Variants in RBFOX2 observed in about 807,000 individuals in gnomAD.
RBFOX2 encodes RNA binding fox-1 homolog 2.
In RBFOX2, 10 loss-of-function variants were observed where a neutral mutation model predicts 49.1. The ratio of observed to expected loss-of-function variants is 0.20; its 90% confidence interval spans 0.13 to 0.35. The LOEUF (loss-of-function observed/expected upper bound fraction) is 0.35, where lower values mean the gene tolerates loss of function less well. Among genes scored for constraint, RBFOX2 ranks in the 10% least tolerant of loss-of-function variants. RBFOX2 has a pLI of 1.00. For missense variants in RBFOX2, 323 were observed against 486.9 expected, an observed-to-expected ratio of 0.66 and a Z score of 3.17; for synonymous variants, 183 against 187.4, an observed-to-expected ratio of 0.98 and a Z score of 0.19.
intron 2 of RBFOX2, among the ~76,000 whole-genome samples, chr22:35,782,951 A>AT (rs1945518290): frequency 6.6e-6 from 1 of 152,170 alleles, no homozygotes; most frequent in Non-Finnish European, 1.5e-5. Context: ...CAAGAATCAC[A>AT]TGCAGAAATC....
At chr22:36,025,693 C>A (rs961981781) in intron 1 of RBFOX2, among the ~76,000 whole-genome samples, 2 of 152,318 alleles carry the variant, frequency 1.3e-5, no homozygotes, top group East Asian at 1.9e-4. Flanking sequence ...AGATTGCATG[C>A]ACCTTAAGGA....
rs571388520 is a variant in RBFOX2, at chr22:35,916,776, C to G, written c.-34+22071G>C. ...GGGAATGGTGGCTCATGCCTGTAAT[C>G]CCAGCTACTGGGGAAGCTGAGGCAG... On this transcript the variant is annotated intron_variant, in intron 1 of 13. Coordinates refer to the RBFOX2 transcript ENST00000359369. Among the ~76,000 whole-genome samples the G allele has an allele frequency of 1.4e-3, 220 of 151,972 alleles. 2 individuals are homozygous for G. The highest frequency in any genetic ancestry group is 4.9e-3 in the African/African-American group (202 of 41,432).
chr22:35,923,945 C>CAA (rs11295577), intron 1 of RBFOX2, among the ~76,000 whole-genome samples: 2 of 134,096 alleles, frequency 1.5e-5, no homozygotes, highest in Non-Finnish European at 3.3e-5. Flanking sequence ...AAGTAAAATG[C>CAA]AAAAAAAAAA....
At chr22:35,916,722 C>T (rs187903736) in intron 1 of RBFOX2, among the ~76,000 whole-genome samples, 60 of 151,920 alleles carry the variant, frequency 3.9e-4, no homozygotes, top group African/African-American at 1.4e-3. Context: ...ATGATGAAAC[C>T]GTCTCTACTA....
chr22:35,822,743 C>G, intron 1 of RBFOX2: 1 of 403,976 alleles, frequency 2.5e-6, no homozygotes, highest in African/African-American at 2.1e-5. Context: ...CTAACACACA[C>G]ACAAAATTAA....
chr22:35,978,147 AG>A (rs2150047760), intron 1 of RBFOX2, among the ~76,000 whole-genome samples: 1 of 152,274 alleles, frequency 6.6e-6, no homozygotes, highest in African/African-American at 2.4e-5. Flanking sequence ...ATTGGGGATA[AG>A]GGGAGCCAAG....
At chr22:35,779,223 A>G (rs1319926702) in intron 3 of RBFOX2, among the ~76,000 whole-genome samples, 1 of 152,232 alleles carries the variant, frequency 6.6e-6, no homozygotes, top group Non-Finnish European at 1.5e-5. Context: ...GTTTTAATCA[A>G]TGCTTGGATG....
intron 1 of RBFOX2, among the ~76,000 whole-genome samples, chr22:35,831,209 C>T (rs763609868): frequency 2.6e-5 from 4 of 152,038 alleles, no homozygotes; most frequent in Non-Finnish European, 4.4e-5. Context: ...TTTGGGAGGC[C>T]GAGGTGGGCA....
intron 1 of RBFOX2, among the ~76,000 whole-genome samples, chr22:35,862,568 G>C (rs1199852850): frequency 6.6e-6 from 1 of 152,072 alleles, no homozygotes; most frequent in Non-Finnish European, 1.5e-5. Flanking sequence ...CATCGTTTCT[G>C]TCTCTCCCAC....
chr22:35,838,516 T>C (rs972003482), intron 1 of RBFOX2, among the ~76,000 whole-genome samples: 6 of 152,150 alleles, frequency 3.9e-5, no homozygotes, highest in Admixed American at 3.9e-4. Context: ...TGTACCAGCA[T>C]CCCCAGCGTC....
At chr22:35,945,286 G>C (rs972281197) in intron 1 of RBFOX2, among the ~76,000 whole-genome samples, 2 of 152,172 alleles carry the variant, frequency 1.3e-5, no homozygotes, top group Non-Finnish European at 2.9e-5. Context: ...GTTTCACTAT[G>C]TTATTCGCAG....
intron 9 of RBFOX2, among the ~76,000 whole-genome samples, chr22:35,757,256 C>G (rs961720650): frequency 6.6e-6 from 1 of 150,764 alleles, no homozygotes; most frequent in African/African-American, 2.4e-5. Flanking sequence ...CTAAGCAACA[C>G]TATATTCTTA....
intron 1 of RBFOX2, among the ~76,000 whole-genome samples, chr22:36,007,612 T>C (rs1326862830): frequency 6.6e-6 from 1 of 152,220 alleles, no homozygotes; most frequent in Admixed American, 6.5e-5. Context: ...TTTGTTGGTA[T>C]GATTTTTTTA....
At chr22:35,852,448 C>T (rs1446056210) in intron 1 of RBFOX2, among the ~76,000 whole-genome samples, 1 of 143,146 alleles carries the variant, frequency 7.0e-6, no homozygotes, top group African/African-American at 2.6e-5. Context: ...GCCAGGAGTT[C>T]AAGTCTAGCC....
intron 1 of RBFOX2, among the ~76,000 whole-genome samples, chr22:35,850,094 C>T (rs183656447): frequency 6.6e-6 from 1 of 151,946 alleles, no homozygotes; most frequent in African/African-American, 2.4e-5. Context: ...CAATCCAGGA[C>T]ACAGAAAGGC....
At chr22:35,789,503 A>T (rs1947155580) in intron 2 of RBFOX2, among the ~76,000 whole-genome samples, 2 of 152,132 alleles carry the variant, frequency 1.3e-5, no homozygotes, top group African/African-American at 4.8e-5. Flanking sequence ...AGATCGCACC[A>T]TTGCACTCTA....
At chr22:35,772,255 T>G (rs1415763065) in intron 4 of RBFOX2, among the ~76,000 whole-genome samples, 1 of 152,162 alleles carries the variant, frequency 6.6e-6, no homozygotes, top group East Asian at 1.9e-4. Context: ...TTGACATGTT[T>G]GTCTACACTA....
At chr22:35,816,744 G>A (rs1318705331) in intron 1 of RBFOX2, among the ~76,000 whole-genome samples, 2 of 152,174 alleles carry the variant, frequency 1.3e-5, no homozygotes, top group Non-Finnish European at 2.9e-5. Context: ...AAAACCAATC[G>A]CCATTGAAGT....
At chr22:35,877,216 A>C (rs1258566106) in intron 1 of RBFOX2, among the ~76,000 whole-genome samples, 1 of 152,238 alleles carries the variant, frequency 6.6e-6, no homozygotes, top group Non-Finnish European at 1.5e-5. Flanking sequence ...AGAAACAGCA[A>C]GATTTAGAAC....
Sources: allele counts gnomAD v4.1 joint callset (sites outside exome capture counted in the v4.1 genomes callset), GRCh38; gene constraint gnomAD v4.1.1; transcripts MANE v1.5; gene names NCBI Gene and HGNC (gene_info 2026-07-23, HGNC 2026-07-21).